The following RGS12 variants were observed in gnomAD, a reference collection of about 807,000 sequenced individuals.
RGS12 encodes the protein regulator of G protein signaling 12.
In RGS12, 66 loss-of-function variants were observed where a neutral mutation model predicts 120.1. That is an observed-to-expected ratio of 0.55 (90% CI 0.45 to 0.67). RGS12 has a LOEUF of 0.67. RGS12 is among the 30% of genes least tolerant of loss of function. The probability of loss-of-function intolerance (pLI) is 0.00; values close to 1 mark genes in which losing one functional copy is unlikely to be tolerated. For missense variants in RGS12, 1,859 were observed against 1,957.7 expected (o/e 0.95, Z 0.95); for synonymous variants, 827 against 804.7 (o/e 1.03, Z -0.47).
At chr4:3,423,679 G>A in intron 13 of RGS12, 38 bp downstream of exon 13, 1 of 1,584,854 alleles carries the variant, frequency 6.3e-7, no homozygotes, top group Non-Finnish European at 8.5e-7. Flanking sequence ...GTCACCGCAG[G>A]CACTGTCTGT....
intron 1 of RGS12, among the ~76,000 whole-genome samples, chr4:3,313,586 G>T (rs78425095): frequency 0.018 from 2,815 of 152,290 alleles, 68 homozygotes; most frequent in African/African-American, 0.06. Flanking sequence ...GTTTTCGGGG[G>T]CCTCGTGTCT....
chr4:3,350,849 G>A (rs1383198780), intron 3 of RGS12, among the ~76,000 whole-genome samples: 2 of 152,168 alleles, frequency 1.3e-5, no homozygotes, highest in African/African-American at 2.4e-5. Flanking sequence ...TCATGTAGAT[G>A]TAACATACAA....
Position 3,317,729 on chromosome 4 carries a change from C to G in RGS12, c.1559C>G (p.Pro520Arg), listed in dbSNP as rs1313086332. Residue 520 changes from proline (P) to arginine (R), a missense_variant, in exon 2 of 18, where the codon CCC becomes CGC. Pro to Arg is a moderately radical substitution (Grantham distance 103). Coordinates refer to ENST00000336727, the MANE Select transcript of RGS12 (RefSeq NM_001394154.1). ...VPPASLRSSV[P>R]PSKRGTVGAG... ...CCAGCTTCCTTGAGGAGCTCAGTCC[C>G]CCCTTCCAAGAGGGGCACCGTGGGT... 1 of 1,613,530 alleles carries G rather than the reference C, an allele frequency of 6.2e-7. No homozygotes were observed. Among genetic ancestry groups the G allele is most frequent in the Non-Finnish European group, 8.5e-7 (1 of 1,179,992 alleles).
At chr4:3,303,468 G>A (rs1311657756) in intron 1 of RGS12, among the ~76,000 whole-genome samples, 1 of 152,142 alleles carries the variant, frequency 6.6e-6, no homozygotes. Flanking sequence ...TTCAGCATCT[G>A]TGCAGATACT....
chr4:3,377,368 G>C (rs974841524), intron 3 of RGS12, among the ~76,000 whole-genome samples: 12 of 152,170 alleles, frequency 7.9e-5, no homozygotes, highest in African/African-American at 2.7e-4. Context: ...ACGATGCCCA[G>C]CTGATTATTA....
intron 4 of RGS12, among the ~76,000 whole-genome samples, chr4:3,394,185 CAG>C (rs1719820812): frequency 1.3e-5 from 2 of 151,636 alleles, no homozygotes; most frequent in South Asian, 4.2e-4. Context: ...TTTTTTGAGA[CAG>C]AGTCTCGCTC....
intron 3 of RGS12, chr4:3,343,264 T>TGG (rs1713438627): frequency 2.0e-6 from 1 of 508,334 alleles, no homozygotes; most frequent in African/African-American, 1.9e-5. Flanking sequence ...CAGGGCTTTC[T>TGG]GGGGTGCTCT....
At chr4:3,300,205 G>A (rs766517512) in intron 1 of RGS12, among the ~76,000 whole-genome samples, 2 of 152,208 alleles carry the variant, frequency 1.3e-5, no homozygotes, top group Non-Finnish European at 2.9e-5. Context: ...CCTTCACTGA[G>A]TGCATCTGGG....
At chr4:3,314,773 C>T (rs1252160436) in intron 1 of RGS12, 1 of 152,220 alleles carries the variant, frequency 6.6e-6, no homozygotes, top group Non-Finnish European at 1.5e-5. Context: ...CAATCACTTA[C>T]TGTATTGCTT....
intron 1 of RGS12, among the ~76,000 whole-genome samples, chr4:3,313,384 A>G (rs1258841613): frequency 6.6e-6 from 1 of 152,218 alleles, no homozygotes; most frequent in Non-Finnish European, 1.5e-5. Context: ...ACTTGCCGGG[A>G]ACAGCAGCAC....
intron 3 of RGS12, among the ~76,000 whole-genome samples, chr4:3,348,635 A>G (rs1454405733): frequency 6.6e-6 from 1 of 152,212 alleles, no homozygotes; most frequent in East Asian, 1.9e-4. Flanking sequence ...CCATGGAACA[A>G]TTCAGACACA....
At chr4:3,362,737 C>T (rs1156282838) in intron 3 of RGS12, among the ~76,000 whole-genome samples, 1 of 55,772 alleles carries the variant, frequency 1.8e-5, no homozygotes, top group South Asian at 7.1e-4. Flanking sequence ...GCGAGGATGT[C>T]TGTGTGAGGG....
chr4:3,323,363 T>C (rs987412538), intron 2 of RGS12, among the ~76,000 whole-genome samples: 1 of 152,264 alleles, frequency 6.6e-6, no homozygotes, highest in African/African-American at 2.4e-5. Flanking sequence ...GTCAGAGCCT[T>C]AGATGCTGCT....
chr4:3,402,431 C>T (rs937494735), intron 4 of RGS12, among the ~76,000 whole-genome samples: 5 of 152,202 alleles, frequency 3.3e-5, no homozygotes, highest in African/African-American at 1.2e-4. Flanking sequence ...AAGCCTGGTC[C>T]TCTGGCCTCA....
intron 2 of RGS12, among the ~76,000 whole-genome samples, chr4:3,333,886 T>G (rs560206928): frequency 6.6e-6 from 1 of 152,358 alleles, no homozygotes; most frequent in African/African-American, 2.4e-5. Context: ...ATTGATATCT[T>G]TAGGAGATCA....
rs1380422200 is a variant in RGS12 at position 3,433,882 on chromosome 4, C to A, written c.4114+2927C>A. 6.6e-6 allele frequency among the ~76,000 whole-genome samples: 1 copy of A among 152,120 alleles called. No individual in the cohort carries two copies. The highest frequency in any genetic ancestry group is 1.5e-5 in the Non-Finnish European group (1 of 68,026). ...GGAGGCATGTGGGTGGGTCTCCTTT[C>A]CCTTTGGCCACTTGCTGCCAGGCCA... is the stretch of plus-strand genomic sequence containing the variant. On this transcript the variant is annotated intron_variant, in intron 17 of 17. Transcript: ENST00000336727. This position sits in a 1 kb window ranked among gnomAD's most constrained non-coding sequence, Gnocchi z 4.4.
intron 3 of RGS12, among the ~76,000 whole-genome samples, chr4:3,368,835 GC>G (rs1361116354): frequency 3.9e-5 from 6 of 152,088 alleles, no homozygotes; most frequent in Admixed American, 6.5e-5. Context: ...ATGTGGCTTA[GC>G]CCAGGAATGG....
intron 3 of RGS12, among the ~76,000 whole-genome samples, chr4:3,381,825 C>G (rs963695): frequency 6.6e-6 from 1 of 152,128 alleles, no homozygotes; most frequent in Non-Finnish European, 1.5e-5. Flanking sequence ...AGAAATTGGT[C>G]ATGACTTTTC....
chr4:3,420,815 C>A, intron 10 of RGS12, 97 bp downstream of exon 10: 1 of 1,078,300 alleles, frequency 9.3e-7, no homozygotes, highest in Non-Finnish European at 1.4e-6. Context: ...GTTTACAAAA[C>A]TCAGCGTTCA....
Sources: gnomAD v4.1 joint callset for allele counts (sites outside exome capture counted in the v4.1 genomes callset) on GRCh38, gnomAD v4.1.1 for gene constraint, Gnocchi (gnomAD v3.1) non-coding constraint, MANE v1.5 for transcripts, NCBI Gene and HGNC (gene_info 2026-07-23, HGNC 2026-07-21) for gene names.